Variants in GRB10 observed in about 807,000 individuals in gnomAD.
GRB10 encodes the protein growth factor receptor bound protein 10.
A neutral mutation model predicts 80.9 loss-of-function variants in GRB10; 20 were observed. That is an observed-to-expected ratio of 0.25 (90% CI 0.17 to 0.36). GRB10 has a LOEUF of 0.36. GRB10 is among the 10% of genes least tolerant of loss of function. The probability of loss-of-function intolerance (pLI) is 1.00; values close to 1 mark genes in which losing one functional copy is unlikely to be tolerated. For synonymous variants in GRB10, 291 were observed against 291.5 expected (o/e 1.00, Z 0.02); for missense variants, 548 against 747.7 (o/e 0.73, Z 3.12).
chr7:50,688,144 G>A (rs1204806608), intron 5 of GRB10, among the ~76,000 whole-genome samples: 1 of 152,194 alleles, frequency 6.6e-6, no homozygotes, highest in Non-Finnish European at 1.5e-5. Flanking sequence ...ACCAAGGTCA[G>A]CAAGGCTAAA....
chr7:50,687,388 C>T (rs565446351), intron 5 of GRB10, among the ~76,000 whole-genome samples: 205 of 152,330 alleles, frequency 1.3e-3, no homozygotes, highest in African/African-American at 4.4e-3. Context: ...AACAAGCCCT[C>T]CTCTATGGCG....
At chr7:50,765,028 T>C (rs114881464) in intron 2 of GRB10, among the ~76,000 whole-genome samples, 1,587 of 152,268 alleles carry the variant, frequency 0.01, 32 homozygotes, top group African/African-American at 0.036. Flanking sequence ...AACAGACATC[T>C]CTAAAAGAAG....
intron 1 of GRB10, chr7:50,793,113 C>A (rs1048954765): frequency 1.4e-5 from 2 of 144,456 alleles, no homozygotes; most frequent in Non-Finnish European, 3.1e-5. Flanking sequence ...CGGCCGCGGC[C>A]GCCCAGCGCT....
intron 16 of GRB10, 112 bp from the exon 17 acceptor site, chr7:50,604,197 G>A: frequency 7.7e-7 from 1 of 1,291,244 alleles, no homozygotes. Flanking sequence ...CCCAGCTACA[G>A]CTTGTGTGGT....
At chr7:50,735,443 G>C (rs2070639634) in intron 3 of GRB10, among the ~76,000 whole-genome samples, 1 of 152,146 alleles carries the variant, frequency 6.6e-6, no homozygotes, top group African/African-American at 2.4e-5. Flanking sequence ...AGAGCTGAGG[G>C]TGTGTGAAGG....
chr7:50,705,173 T>C, intron 4 of GRB10: 2 of 985,680 alleles, frequency 2.0e-6, no homozygotes, highest in Non-Finnish European at 2.4e-6. Context: ...TGGTCAACGC[T>C]GTGCTTCACG....
At chr7:50,695,371 T>C (rs184342606) in intron 5 of GRB10, among the ~76,000 whole-genome samples, 6 of 152,240 alleles carry the variant, frequency 3.9e-5, no homozygotes, top group Admixed American at 2.6e-4. Context: ...GATCAGTAAG[T>C]TTTCTAGGGA....
At chr7:50,675,424 C>T (rs1378746951) in intron 5 of GRB10, among the ~76,000 whole-genome samples, 1 of 152,204 alleles carries the variant, frequency 6.6e-6, no homozygotes, top group African/African-American at 2.4e-5. Context: ...CTTGGCTGGG[C>T]CATGGTGCCA....
At chr7:50,730,456 T>C (rs934570025) in intron 4 of GRB10, among the ~76,000 whole-genome samples, 3 of 152,320 alleles carry the variant, frequency 2.0e-5, no homozygotes, top group South Asian at 2.1e-4. Flanking sequence ...CTGGAACCCA[T>C]TGTAAATCAT....
chr7:50,610,840 T>A (rs2049376446), intron 13 of GRB10, among the ~76,000 whole-genome samples: 2 of 152,160 alleles, frequency 1.3e-5, no homozygotes, highest in Admixed American at 6.5e-5. Flanking sequence ...TCTGCCCACA[T>A]CCTTTCCTGT....
chr7:50,664,192 A>T (rs188099487), intron 7 of GRB10, among the ~76,000 whole-genome samples: 1 of 152,280 alleles, frequency 6.6e-6, no homozygotes, highest in African/African-American at 2.4e-5. Context: ...CACACAGCAA[A>T]CAGCCAGGAT....
chr7:50,774,941 C>T (rs1411384725), intron 2 of GRB10, among the ~76,000 whole-genome samples: 6 of 149,518 alleles, frequency 4.0e-5, no homozygotes, highest in South Asian at 2.1e-4. Context: ...CCCAGGAGGT[C>T]GAGACCAGCC....
chr7:50,676,588 G>A (rs1300626717), intron 5 of GRB10, among the ~76,000 whole-genome samples: 1 of 152,180 alleles, frequency 6.6e-6, no homozygotes, highest in Non-Finnish European at 1.5e-5. Context: ...CCTACCAGGT[G>A]TGTGCTCCTC....
chr7:50,613,317 G>T (rs11761328), intron 12 of GRB10, among the ~76,000 whole-genome samples: 19,727 of 151,936 alleles, frequency 0.13, 1,506 homozygotes, highest in Non-Finnish European at 0.18. Flanking sequence ...CCCCTGAGGA[G>T]CTCAGGGATT....
intron 8 of GRB10, among the ~76,000 whole-genome samples, chr7:50,621,486 G>A (rs1210369195): frequency 1.3e-5 from 2 of 152,204 alleles, no homozygotes; most frequent in Admixed American, 6.5e-5. Flanking sequence ...AACACAACGT[G>A]GCAGGTGACC....
At chr7:50,773,276 G>T (rs1490248256) in intron 2 of GRB10, among the ~76,000 whole-genome samples, 3 of 151,440 alleles carry the variant, frequency 2.0e-5, no homozygotes, top group Admixed American at 2.0e-4. Flanking sequence ...AATTCAAGAT[G>T]AGATTTGGGA....
At chr7:50,780,444 C>G (rs2078164521) in intron 2 of GRB10, among the ~76,000 whole-genome samples, 183 bp downstream of exon 2, 1 of 152,174 alleles carries the variant, frequency 6.6e-6, no homozygotes, top group South Asian at 2.1e-4. Flanking sequence ...CAGACAGGAG[C>G]TGCTAACTTT....
At chr7:50,610,053 G>A (rs543403470) in intron 13 of GRB10, among the ~76,000 whole-genome samples, 19 of 152,256 alleles carry the variant, frequency 1.2e-4, no homozygotes, top group African/African-American at 4.6e-4. Context: ...TGTAGTAGAT[G>A]GTAAAAGGGC....
upstream of GRB10, among the ~76,000 whole-genome samples, chr7:50,783,504 CCA>C (rs1295737743): frequency 1.1e-4 from 17 of 151,290 alleles, no homozygotes; most frequent in East Asian, 1.4e-3. Flanking sequence ...TACATACACA[CCA>C]CACACACACA....
Sources: gnomAD v4.1 joint callset for allele counts (sites outside exome capture counted in the v4.1 genomes callset) on GRCh38, gnomAD v4.1.1 for gene constraint, MANE v1.5 for transcripts, NCBI Gene and HGNC (gene_info 2026-07-23, HGNC 2026-07-21) for gene names.